Variants in LRRC4C observed in about 807,000 individuals in gnomAD.
LRRC4C encodes the protein leucine-rich repeat-containing protein 4C.
A neutral mutation model predicts 33.6 loss-of-function variants in LRRC4C; 5 were observed. That is an observed-to-expected ratio of 0.15 (90% CI 0.08 to 0.31). The LOEUF (loss-of-function observed/expected upper bound fraction) is 0.31, where lower values mean the gene tolerates loss of function less well. LRRC4C is among the 10% of genes least tolerant of loss of function. The pLI is 1.00. For synonymous variants in LRRC4C, 329 were observed against 302.0 expected, an observed-to-expected ratio of 1.09 and a Z score of -0.93; for missense variants, 560 against 796.7, an observed-to-expected ratio of 0.70 and a Z score of 3.58.
At chr11:40,585,061 G>A (rs2135682644) in intron 3 of LRRC4C, among the ~76,000 whole-genome samples, 1 of 152,254 alleles carries the variant, frequency 6.6e-6, no homozygotes, top group Middle Eastern at 3.4e-3. Flanking sequence ...CCATGTATTG[G>A]CACTGTCCTG....
At chr11:40,352,897 G>A (rs1156352733) in intron 3 of LRRC4C, among the ~76,000 whole-genome samples, 2 of 152,116 alleles carry the variant, frequency 1.3e-5, no homozygotes, top group Non-Finnish European at 1.5e-5. Flanking sequence ...AATATGTTAT[G>A]CCACTCTTGC....
intron 2 of LRRC4C, among the ~76,000 whole-genome samples, chr11:40,842,343 G>C (rs1409922204): frequency 6.6e-6 from 1 of 152,090 alleles, no homozygotes; most frequent in Non-Finnish European, 1.5e-5. Context: ...ATATATAGCA[G>C]AGAAGGCCCA....
intron 4 of LRRC4C, among the ~76,000 whole-genome samples, chr11:40,279,978 G>C (rs1057198538): frequency 6.6e-6 from 1 of 151,962 alleles, no homozygotes; most frequent in Non-Finnish European, 1.5e-5. Flanking sequence ...TGATTTACTC[G>C]GCCCTGAACT....
chr11:40,474,153 T>C (rs1953085408), intron 3 of LRRC4C, among the ~76,000 whole-genome samples: 1 of 152,010 alleles, frequency 6.6e-6, no homozygotes, highest in Admixed American at 6.6e-5. Context: ...AAGACAATCC[T>C]AAGCAAAAAA....
chr11:41,174,359 A>C (rs1377670109), intron 1 of LRRC4C, among the ~76,000 whole-genome samples: 1 of 152,148 alleles, frequency 6.6e-6, no homozygotes, highest in Non-Finnish European at 1.5e-5. Flanking sequence ...TAAAGATGCA[A>C]ATGCCTCCTC....
chr11:41,278,021 AG>A (rs1231144006), intron 1 of LRRC4C, among the ~76,000 whole-genome samples: 3 of 152,134 alleles, frequency 2.0e-5, no homozygotes, highest in Non-Finnish European at 4.4e-5. Flanking sequence ...GGTGGTTACC[AG>A]AAGCTGGGGT....
At chr11:40,786,935 T>C (rs1950435465) in intron 2 of LRRC4C, among the ~76,000 whole-genome samples, 1 of 152,124 alleles carries the variant, frequency 6.6e-6, no homozygotes, top group Non-Finnish European at 1.5e-5. Context: ...AAGTAGGTCT[T>C]GGTCAAGGTT....
At chr11:41,144,867 C>A (rs1943661505) in intron 1 of LRRC4C, among the ~76,000 whole-genome samples, 1 of 152,096 alleles carries the variant, frequency 6.6e-6, no homozygotes, top group South Asian at 2.1e-4. Flanking sequence ...AAAAAATGCA[C>A]ATATTAAGTT....
chr11:41,394,949 TCTAA>T (rs1374084201), intron 1 of LRRC4C: 1 of 152,000 alleles, frequency 6.6e-6, no homozygotes, highest in Non-Finnish European at 1.5e-5. Flanking sequence ...CCTTTTATAC[TCTAA>T]CTGACCTCTT....
intron 3 of LRRC4C, among the ~76,000 whole-genome samples, chr11:40,569,483 G>C (rs747669586): frequency 6.6e-6 from 1 of 152,074 alleles, no homozygotes; most frequent in African/African-American, 2.4e-5. Flanking sequence ...TAAAAGCAAA[G>C]TGACCAAATT....
intron 1 of LRRC4C, among the ~76,000 whole-genome samples, chr11:41,325,990 G>A (rs1951106001): frequency 6.6e-6 from 1 of 152,036 alleles, no homozygotes; most frequent in African/African-American, 2.4e-5. Context: ...AAACTGTGAT[G>A]GTTAATATGG....
At chr11:40,823,843 C>T (rs1952044546) in intron 2 of LRRC4C, among the ~76,000 whole-genome samples, 1 of 150,364 alleles carries the variant, frequency 6.7e-6, no homozygotes, top group Non-Finnish European at 1.5e-5. Flanking sequence ...CTACCCAAGA[C>T]AAGTAAAAAT....
At chr11:41,241,831 G>A (rs1190984534) in intron 1 of LRRC4C, among the ~76,000 whole-genome samples, 1 of 152,082 alleles carries the variant, frequency 6.6e-6, no homozygotes, top group Admixed American at 6.6e-5. Flanking sequence ...TCTCTCTGTT[G>A]TGCTCAGTGC....
intron 2 of LRRC4C, among the ~76,000 whole-genome samples, chr11:40,771,872 A>C (rs1416209165): frequency 6.6e-6 from 1 of 152,184 alleles, no homozygotes; most frequent in Admixed American, 6.5e-5. Context: ...AGGAAGTTCC[A>C]AACTTTCTCA....
chr11:40,336,756 A>C (rs577585218), intron 3 of LRRC4C, among the ~76,000 whole-genome samples: 6 of 152,044 alleles, frequency 3.9e-5, no homozygotes, highest in Middle Eastern at 3.4e-3. Flanking sequence ...ATGGGCAGAT[A>C]GCGAGGTCAG....
intron 1 of LRRC4C, among the ~76,000 whole-genome samples, chr11:41,376,478 G>A (rs1162303953): frequency 6.6e-6 from 1 of 152,168 alleles, no homozygotes; most frequent in Non-Finnish European, 1.5e-5. Flanking sequence ...GCCCCAGGCA[G>A]TGATTATCCT....
intron 6 of LRRC4C, among the ~76,000 whole-genome samples, chr11:40,135,594 A>G (rs745936970): frequency 2.7e-4 from 41 of 152,198 alleles, no homozygotes; most frequent in Non-Finnish European, 4.7e-4. Flanking sequence ...AAGCCTGTGC[A>G]TGCTCCTATT....
intron 3 of LRRC4C, among the ~76,000 whole-genome samples, chr11:40,634,715 G>GAAAA (rs1204165255): frequency 2.2e-5 from 3 of 135,792 alleles, no homozygotes; most frequent in African/African-American, 9.0e-5. Flanking sequence ...CAAAAAATAA[G>GAAAA]AAAATAAAAA....
chr11:41,117,867 T>C (rs1346054722), intron 1 of LRRC4C, among the ~76,000 whole-genome samples: 1 of 152,086 alleles, frequency 6.6e-6, no homozygotes, highest in Non-Finnish European at 1.5e-5. Flanking sequence ...GTGCAAGAAT[T>C]TAAAACTAAA....
Sources: allele counts gnomAD v4.1 joint callset (sites outside exome capture counted in the v4.1 genomes callset), GRCh38; gene constraint gnomAD v4.1.1; transcripts MANE v1.5; gene names NCBI Gene and HGNC (gene_info 2026-07-23, HGNC 2026-07-21).